Variants in PDSS1 observed in about 807,000 individuals in gnomAD.
PDSS1 encodes all trans-polyprenyl-diphosphate synthase PDSS1.
PDSS1 carries 43 observed loss-of-function variants against 57.5 expected under a neutral mutation model. The ratio of observed to expected loss-of-function variants is 0.75; its 90% confidence interval spans 0.59 to 0.96. The LOEUF (loss-of-function observed/expected upper bound fraction) is 0.96. Ranked by LOEUF, PDSS1 falls within the 50% of genes least tolerant of loss-of-function variation. PDSS1 has a pLI of 0.00. For synonymous variants in PDSS1, 175 were observed against 191.3 expected, an observed-to-expected ratio of 0.91 and a Z score of 0.70; for missense variants, 438 against 527.8, an observed-to-expected ratio of 0.83 and a Z score of 1.67.
At position 26,735,261 on chromosome 10, in the gene PDSS1, G is replaced by A. The variant is rs147864501; in HGVS notation, c.853G>A (p.Asp285Asn). 8.1e-6 allele frequency: 13 copies of A among 1,613,378 alleles called. No homozygotes were observed. The highest frequency in any genetic ancestry group is 3.3e-4 in the Middle Eastern group (2 of 6,060). Residue 285 changes from aspartate to asparagine, a missense_variant, in exon 9 of 12, where the codon GAC becomes AAC. Physicochemically the swap from Asp to Asn is conservative, Grantham distance 23. Coordinates refer to ENST00000376215, the MANE Select transcript of PDSS1 (RefSeq NM_014317.5). ...CKAVSVLGCP[D>N]PVVHEIAYQY... The stretch of plus-strand genomic sequence containing the variant: ...TCAGGTCTCTGTTCTAGGATGTCCC[G>A]ACCCAGTGGTGCATGAGATCGCCTA...
intron 11 of PDSS1, among the ~76,000 whole-genome samples, chr10:26,742,971 C>A (rs1217640467): frequency 6.6e-6 from 1 of 152,172 alleles, no homozygotes; most frequent in Non-Finnish European, 1.5e-5. Flanking sequence ...CATCCATGAC[C>A]CCATCCGGGC....
chr10:26,742,980 G>A (rs1181860881), intron 11 of PDSS1, among the ~76,000 whole-genome samples: 1 of 152,158 alleles, frequency 6.6e-6, no homozygotes, highest in African/African-American at 2.4e-5. Context: ...CCCCATCCGG[G>A]CTGCTGCTGG....
chr10:26,717,267 A>G (rs571252578), intron 5 of PDSS1, among the ~76,000 whole-genome samples: 30 of 151,806 alleles, frequency 2.0e-4, no homozygotes, highest in South Asian at 1.2e-3. Flanking sequence ...GTCTCGCTCT[A>G]CCCCCCAGGC....
chr10:26,720,573 A>G (rs914000422), intron 6 of PDSS1, among the ~76,000 whole-genome samples: 5 of 152,220 alleles, frequency 3.3e-5, no homozygotes, highest in African/African-American at 1.2e-4. Context: ...AGTATTTCTA[A>G]TAGAATTCCT....
intron 2 of PDSS1, among the ~76,000 whole-genome samples, chr10:26,702,459 T>C (rs1249256435): frequency 6.6e-6 from 1 of 152,022 alleles, no homozygotes; most frequent in Non-Finnish European, 1.5e-5. Flanking sequence ...CGAATTCTTA[T>C]GAGATCTGAT....
intron 1 of PDSS1, 32 bp downstream of exon 1, chr10:26,697,872 T>C: frequency 7.9e-7 from 1 of 1,270,328 alleles, no homozygotes; most frequent in African/African-American, 1.6e-5. Context: ...CCGGCGGGGC[T>C]CAGAGGTCAC....
At chr10:26,702,248 TG>T (rs1467432127) in intron 2 of PDSS1, 54 bp downstream of exon 2, 2 of 433,304 alleles carry the variant, frequency 4.6e-6, no homozygotes, top group Non-Finnish European at 9.2e-6. Flanking sequence ...TTAAGACTTT[TG>T]GGGACTGTTC....
At chr10:26,702,045 A>G in intron 1 of PDSS1, 117 bp from the exon 2 acceptor site, 1 of 423,760 alleles carries the variant, frequency 2.4e-6, no homozygotes, top group Non-Finnish European at 4.7e-6. Flanking sequence ...GACTTGCATG[A>G]GGCCTGTAAG....
At chr10:26,721,426 A>ACT (rs1440854134) in intron 6 of PDSS1, among the ~76,000 whole-genome samples, 3 of 151,034 alleles carry the variant, frequency 2.0e-5, no homozygotes, top group Admixed American at 6.6e-5. Context: ...ATATGTATAC[A>ACT]CACACACACA....
At chr10:26,720,159 T>G in intron 5 of PDSS1, 59 bp from the exon 6 acceptor site, 1 of 1,610,036 alleles carries the variant, frequency 6.2e-7, no homozygotes, top group Non-Finnish European at 8.5e-7. Flanking sequence ...TTTCACAAGC[T>G]GATTGCTGAG....
At chr10:26,745,379 A>C (rs1836809626) in intron 11 of PDSS1, among the ~76,000 whole-genome samples, 1 of 152,212 alleles carries the variant, frequency 6.6e-6, no homozygotes. Context: ...AGTATAGTTA[A>C]AGGAAAGGAC....
At chr10:26,703,942 G>A (rs556093671) in intron 2 of PDSS1, among the ~76,000 whole-genome samples, 2 of 151,760 alleles carry the variant, frequency 1.3e-5, no homozygotes, top group Non-Finnish European at 2.9e-5. Context: ...TTAGCCAGGC[G>A]AGGTGGTGGG....
intron 10 of PDSS1, among the ~76,000 whole-genome samples, chr10:26,741,296 C>T (rs1231993287): frequency 3.3e-5 from 5 of 152,274 alleles, no homozygotes; most frequent in African/African-American, 1.2e-4. Flanking sequence ...ACCAGCCTGG[C>T]CAATATGGCA....
chr10:26,719,977 T>A (rs1198517920), intron 5 of PDSS1, among the ~76,000 whole-genome samples: 1 of 152,242 alleles, frequency 6.6e-6, no homozygotes, highest in African/African-American at 2.4e-5. Flanking sequence ...TACTGTTTTT[T>A]TGGCTAATGG....
intron 8 of PDSS1, among the ~76,000 whole-genome samples, chr10:26,731,890 C>T (rs956500354): frequency 5.3e-5 from 8 of 152,356 alleles, no homozygotes; most frequent in Admixed American, 1.3e-4. Flanking sequence ...CTCCCAGGTT[C>T]AAGCAATTCT....
intron 10 of PDSS1, among the ~76,000 whole-genome samples, chr10:26,739,636 T>G (rs1404216199): frequency 6.6e-6 from 1 of 152,206 alleles, no homozygotes; most frequent in African/African-American, 2.4e-5. Flanking sequence ...TGTCACCAGA[T>G]GCCTACGAGA....
At chr10:26,709,902 C>T (rs1835367722) in intron 5 of PDSS1, 134 bp downstream of exon 5, 9 of 955,998 alleles carry the variant, frequency 9.4e-6, no homozygotes, top group Middle Eastern at 2.2e-4. Flanking sequence ...CCTATAATCC[C>T]AGCATTCTGG....
intron 1 of PDSS1, among the ~76,000 whole-genome samples, chr10:26,698,157 C>T (rs1834932610): frequency 1.4e-5 from 2 of 138,596 alleles, no homozygotes; most frequent in South Asian, 4.9e-4. Flanking sequence ...ATCAGATTGA[C>T]CGCTGCTATA....
intron 8 of PDSS1, among the ~76,000 whole-genome samples, chr10:26,734,078 T>G (rs1836306853): frequency 6.6e-6 from 1 of 152,214 alleles, no homozygotes; most frequent in Non-Finnish European, 1.5e-5. Flanking sequence ...ACAGCAACCC[T>G]ACAAGGTAAG....
Sources: gnomAD v4.1 joint callset for allele counts (sites outside exome capture counted in the v4.1 genomes callset) on GRCh38, gnomAD v4.1.1 for gene constraint, MANE v1.5 for transcripts, NCBI Gene and HGNC (gene_info 2026-07-23, HGNC 2026-07-21) for gene names.